Variants in RBM27 observed in about 807,000 individuals in gnomAD.
The protein encoded by RBM27 is RNA binding motif protein 27.
A neutral mutation model predicts 135.3 loss-of-function variants in RBM27; 22 were observed. The observed-to-expected ratio is 0.16, with a 90% CI of 0.12 to 0.23. The LOEUF is 0.23. Among genes scored for constraint, RBM27 ranks in the 10% least tolerant of loss-of-function variants. The pLI is 1.00. For missense variants in RBM27, 1,009 were observed against 1,281.0 expected, an observed-to-expected ratio of 0.79 and a Z score of 3.24; for synonymous variants, 481 against 442.4, an observed-to-expected ratio of 1.09 and a Z score of -1.10.
At chr5:146,205,105 C>T (rs374163864) in intron 1 of RBM27, among the ~76,000 whole-genome samples, 1 of 152,176 alleles carries the variant, frequency 6.6e-6, no homozygotes. Context: ...GCCTTGTTGG[C>T]GAGGCTGGTC....
In RBM27 at chr5:146,271,637, T is replaced by G. The variant is rs751275444; in HGVS notation, c.2951T>G (p.Ile984Ser). ...RPKALTVGGF[I>S]EEEKEDLLQH... ...AAAGCACTAACAGTTGGAGGATTCA[T>G]TGAGGAAGAAAAAGAAGACTTGCTT... Residue 984 changes from isoleucine (I) to serine (S), a missense_variant, in exon 19 of 21, where the codon ATT becomes AGT. By Grantham distance (142) the Ile-to-Ser change is moderately radical. Coordinates refer to ENST00000265271, the MANE Select transcript of RBM27 (RefSeq NM_018989.2). The G allele has an allele frequency of 6.8e-6, 11 of 1,613,438 alleles. No homozygotes were observed. The Admixed American group carries it at 8.4e-5, about 12-fold the overall frequency.
Position 146,233,689 on chromosome 5 carries a change from C to G in RBM27, c.1090C>G (p.Pro364Ala). ...GPGPGHSMRL[P>A]VPQGHGQPPP... ...AGGTCCTGGCCATAGTATGAGACTTCCTGTTCCCCAAGGACATGGTCAGCC... is the reference window on the plus strand; with the variant it reads ...AGGTCCTGGCCATAGTATGAGACTTGCTGTTCCCCAAGGACATGGTCAGCC... The change falls in exon 7 of 21, where the codon CCT (proline) becomes GCT (alanine). Residue 364 changes from proline to alanine, a missense_variant. Physicochemically the swap from Pro to Ala is conservative, Grantham distance 27. Coordinates refer to ENST00000265271, the MANE Select transcript of RBM27 (RefSeq NM_018989.2). 1 of 1,508,338 alleles carries G rather than the reference C, an allele frequency of 6.6e-7. No individual in the cohort carries two copies. Among genetic ancestry groups the G allele is most frequent in the Non-Finnish European group, 8.8e-7 (1 of 1,132,924 alleles). 93.4% of individuals were successfully genotyped at this position (1,508,338 alleles called of 1,614,324 possible).
At position 146,223,497 on chromosome 5, in the gene RBM27, A is replaced by G. The variant is rs1253697371; in HGVS notation, c.273A>G (p.Leu91=). The change falls in exon 3 of 21, where the codon CTA becomes CTG. Residue 91 remains leucine, a synonymous_variant. Coordinates refer to ENST00000265271, the MANE Select transcript of RBM27 (RefSeq NM_018989.2). Reference sequence around the variant, plus strand: ...CAGTAAAGCCTGAGCCAAAACCACTAGTCCAAGAAAAAGAAGAAATTAAAG... The same window carrying G: ...CAGTAAAGCCTGAGCCAAAACCACTGGTCCAAGAAAAAGAAGAAATTAAAG... ...LEPVKPEPKP[L]VQEKEEIKEE... 2 of 1,607,694 alleles carry G rather than the reference A, an allele frequency of 1.2e-6. No homozygotes were observed. Among genetic ancestry groups the G allele is most frequent in the South Asian group, 2.2e-5 (2 of 89,814 alleles).
Position 146,203,652 on chromosome 5 carries a change from A to G in RBM27, c.-114A>G. On this transcript the variant is annotated 5_prime_UTR_variant, in exon 1 of 21. An upstream start codon of the reference 5' UTR is lost. Transcript: ENST00000265271. ...GGGGAGTAGGTTGAAGTCTCCTAAG[A>G]TGCCCGGTGGGCTGGGGCACCGGGA... The G allele has an allele frequency of 4.1e-6, 4 of 965,644 alleles. No individual in the cohort carries two copies. In the East Asian group the frequency reaches 8.1e-5, roughly 19 times the overall value. The allele number at this position is 965,644 out of a possible 1,614,324, so 59.8% of individuals were successfully genotyped here.
chr5:146,258,426 AT>A (rs765175674), intron 10 of RBM27, 22 bp from the exon 11 acceptor site: 43 of 1,526,482 alleles, frequency 2.8e-5, no homozygotes, highest in Non-Finnish European at 3.6e-5. Flanking sequence ...AAACTCAGTA[AT>A]TTCAATTTTT....
At chr5:146,268,631 T>C (rs1031121259) in intron 15 of RBM27, among the ~76,000 whole-genome samples, 4 of 152,156 alleles carry the variant, frequency 2.6e-5, no homozygotes, top group African/African-American at 9.7e-5. Flanking sequence ...TCACTCACGT[T>C]GAGTGCAGTG....
intron 1 of RBM27, among the ~76,000 whole-genome samples, chr5:146,208,801 ATTTCTATCAAAACATGTTG>A (rs1755817798): frequency 6.6e-6 from 1 of 152,234 alleles, no homozygotes; most frequent in African/African-American, 2.4e-5. Context: ...AGTAACCTGC[ATTTCTATCAAAACATGTTG>A]TATTTAATGG....
At position 146,286,625 on chromosome 5, in the gene RBM27, A is replaced by T. The variant is rs1211628492; in HGVS notation, c.*595A>T. 1 of 151,924 alleles carries T rather than the reference A, an allele frequency of 6.6e-6. No homozygotes were observed. Among genetic ancestry groups the T allele is most frequent in the East Asian group, 1.9e-4 (1 of 5,186 alleles). 9.4% of individuals were successfully genotyped at this position (151,924 alleles called of 1,614,324 possible). On this transcript the variant is annotated 3_prime_UTR_variant, in exon 21 of 21. Coordinates refer to ENST00000265271, the MANE Select transcript of RBM27 (RefSeq NM_018989.2). ...TGTGTGGTAGTACTAGTTCAGTGAA[A>T]ATCACAACAAACTGTGTGTTCTTAA...
At chr5:146,271,444 A>G (rs764794207) in intron 18 of RBM27, 39 bp from the exon 19 acceptor site, 2 of 1,513,542 alleles carry the variant, frequency 1.3e-6, no homozygotes, top group Non-Finnish European at 1.8e-6. Flanking sequence ...GGTTTAGTCT[A>G]ATAATGTATG....
intron 11 of RBM27, among the ~76,000 whole-genome samples, chr5:146,260,342 G>A (rs1366358323): frequency 4.6e-5 from 7 of 151,618 alleles, no homozygotes; most frequent in Non-Finnish European, 7.4e-5. Flanking sequence ...AGTAATTTCC[G>A]AAGAATGTTA....
chr5:146,252,955 G>A (rs1242553934), intron 9 of RBM27, among the ~76,000 whole-genome samples: 1 of 152,096 alleles, frequency 6.6e-6, no homozygotes, highest in Non-Finnish European at 1.5e-5. Context: ...TCATAGTCCT[G>A]TAACCATTGA....
At chr5:146,261,110 C>G (rs927364988) in intron 12 of RBM27, among the ~76,000 whole-genome samples, 3 of 152,226 alleles carry the variant, frequency 2.0e-5, no homozygotes, top group African/African-American at 7.2e-5. Context: ...TTTCTGCAAT[C>G]TCTTCCTGAA....
chr5:146,258,232 G>A (rs1758208355), intron 10 of RBM27, among the ~76,000 whole-genome samples: 1 of 152,104 alleles, frequency 6.6e-6, no homozygotes, highest in South Asian at 2.1e-4. Flanking sequence ...ATCCATGCCT[G>A]AGTCAATTAT....
At chr5:146,217,289 C>T (rs902675647) in intron 1 of RBM27, among the ~76,000 whole-genome samples, 47 of 151,946 alleles carry the variant, frequency 3.1e-4, no homozygotes, top group Non-Finnish European at 5.9e-4. Flanking sequence ...GTTTAAAGAA[C>T]CAGCCTTTCC....
intron 6 of RBM27, among the ~76,000 whole-genome samples, chr5:146,231,767 G>A (rs1167858014): frequency 6.6e-6 from 1 of 152,104 alleles, no homozygotes; most frequent in African/African-American, 2.4e-5. Flanking sequence ...ATAGGCGTGA[G>A]CCACCATGCC....
intron 1 of RBM27, among the ~76,000 whole-genome samples, chr5:146,207,092 C>A (rs1755714185): frequency 6.6e-6 from 1 of 152,094 alleles, no homozygotes; most frequent in Non-Finnish European, 1.5e-5. Context: ...ATTCCAGATT[C>A]AAGAAAATTT....
chr5:146,283,266 G>C (rs1759440902), intron 19 of RBM27, among the ~76,000 whole-genome samples: 1 of 152,194 alleles, frequency 6.6e-6, no homozygotes, highest in African/African-American at 2.4e-5. Context: ...TAGACCAGGT[G>C]CTGTGGCTCG....
At chr5:146,277,835 T>C (rs1759160382) in intron 19 of RBM27, among the ~76,000 whole-genome samples, 2 of 151,780 alleles carry the variant, frequency 1.3e-5, no homozygotes, top group Admixed American at 6.6e-5. Flanking sequence ...GCCTGGCCAA[T>C]AATTTTTCAT....
intron 9 of RBM27, among the ~76,000 whole-genome samples, chr5:146,252,328 T>C (rs944485671): frequency 6.6e-6 from 1 of 152,256 alleles, no homozygotes; most frequent in Non-Finnish European, 1.5e-5. Flanking sequence ...TCTTAAAAAC[T>C]CTTTTCTCCT....
Sources: gnomAD v4.1 joint callset for allele counts (sites outside exome capture counted in the v4.1 genomes callset) on GRCh38, gnomAD v4.1.1 for gene constraint, MANE v1.5 for transcripts, NCBI Gene and HGNC (gene_info 2026-07-23, HGNC 2026-07-21) for gene names.